ASAP1: variants seen among roughly 807,000 people sequenced by gnomAD.
ASAP1 encodes the protein ArfGAP with SH3 domain, ankyrin repeat and PH domain 1.
Under a neutral mutation model 145.2 loss-of-function variants are expected in ASAP1, and 43 were observed. The observed-to-expected ratio is 0.30, with a 90% CI of 0.23 to 0.38. The LOEUF is 0.38. ASAP1 is among the 10% of genes least tolerant of loss of function. The pLI is 1.00. For synonymous variants in ASAP1, 546 were observed against 515.5 expected (o/e 1.06, Z -0.80); for missense variants, 1,018 against 1,355.3 (o/e 0.75, Z 3.91).
chr8:130,150,391 C>G (rs1385923468), intron 13 of ASAP1, among the ~76,000 whole-genome samples: 1 of 152,236 alleles, frequency 6.6e-6, no homozygotes, highest in African/African-American at 2.4e-5. Flanking sequence ...AGCAGTGCCA[C>G]TGATTCACTT....
At chr8:130,155,192 T>TAC (rs1007537400) in intron 12 of ASAP1, among the ~76,000 whole-genome samples, 30 of 152,248 alleles carry the variant, frequency 2.0e-4, no homozygotes, top group African/African-American at 6.0e-4. Flanking sequence ...ATGGAAACAA[T>TAC]ACACACACAC....
At chr8:130,070,615 T>C (rs113840584) in intron 27 of ASAP1, among the ~76,000 whole-genome samples, 2,742 of 151,928 alleles carry the variant, frequency 0.018, 37 homozygotes, top group Non-Finnish European at 0.026. Context: ...GAATAGAGAA[T>C]TTCCACTTAA....
chr8:130,206,976 CT>C (rs1816265717), intron 5 of ASAP1, among the ~76,000 whole-genome samples: 1 of 152,028 alleles, frequency 6.6e-6, no homozygotes, highest in South Asian at 2.1e-4. Context: ...TATTGGTTTC[CT>C]TTTCATGGTT....
At chr8:130,329,319 C>T (rs1204719778) in intron 3 of ASAP1, among the ~76,000 whole-genome samples, 1 of 152,212 alleles carries the variant, frequency 6.6e-6, no homozygotes, top group East Asian at 1.9e-4. Context: ...GGGAACCTCC[C>T]TTGATGAAGA....
At chr8:130,150,788 G>C (rs2097644428) in intron 13 of ASAP1, among the ~76,000 whole-genome samples, 1 of 152,172 alleles carries the variant, frequency 6.6e-6, no homozygotes. Flanking sequence ...GCTGAGATGG[G>C]AGGATGGCTT....
intron 3 of ASAP1, among the ~76,000 whole-genome samples, chr8:130,297,842 A>G (rs1022857564): frequency 6.6e-6 from 1 of 152,230 alleles, no homozygotes; most frequent in African/African-American, 2.4e-5. Context: ...TTTAACTGCC[A>G]CATTTTAGAC....
At chr8:130,308,829 G>A (rs914748292) in intron 3 of ASAP1, among the ~76,000 whole-genome samples, 4 of 152,098 alleles carry the variant, frequency 2.6e-5, no homozygotes, top group African/African-American at 9.7e-5. Context: ...GTCATTTGAG[G>A]TCATGAGTTC....
At chr8:130,189,110 C>G (rs979523709) in intron 5 of ASAP1, among the ~76,000 whole-genome samples, 1 of 151,960 alleles carries the variant, frequency 6.6e-6, no homozygotes, top group Non-Finnish European at 1.5e-5. Context: ...GTATAATGAT[C>G]GAATCAGGGA....
At chr8:130,297,498 C>T (rs1272067404) in intron 3 of ASAP1, among the ~76,000 whole-genome samples, 1 of 152,220 alleles carries the variant, frequency 6.6e-6, no homozygotes, top group African/African-American at 2.4e-5. Context: ...CTTGCATGCC[C>T]AGTGGCCAAG....
Position 130,379,760 on chromosome 8 carries a change from C to T in ASAP1, c.60-21617G>A, listed in dbSNP as rs970632923. On this transcript the variant is annotated intron_variant, in intron 2 of 29. Coordinates refer to ENST00000518721, the MANE Select transcript of ASAP1 (RefSeq NM_018482.4). ...TGTGCCATTCCTGCTGAGACACTCC[C>T]CGGGCCCTACTGCCACAGTGACACA... is the stretch of plus-strand genomic sequence containing the variant. Among the ~76,000 whole-genome samples, 5 of 152,196 alleles carry T rather than the reference C, an allele frequency of 3.3e-5. No individual in the cohort carries two copies. In the South Asian group the frequency reaches 8.3e-4, roughly 25 times the overall value.
At chr8:130,065,845 T>C (rs2097429588) in intron 27 of ASAP1, among the ~76,000 whole-genome samples, 1 of 152,192 alleles carries the variant, frequency 6.6e-6, no homozygotes, top group South Asian at 2.1e-4. Flanking sequence ...CTAGCCTCAC[T>C]GTTCTTTCCT....
At chr8:130,301,970 T>G (rs1474926815) in intron 3 of ASAP1, among the ~76,000 whole-genome samples, 1 of 152,158 alleles carries the variant, frequency 6.6e-6, no homozygotes, top group Non-Finnish European at 1.5e-5. Context: ...ATGGCAGGGG[T>G]GTCCCCAAAA....
At chr8:130,245,623 C>A (rs928109053) in intron 3 of ASAP1, among the ~76,000 whole-genome samples, 1 of 152,184 alleles carries the variant, frequency 6.6e-6, no homozygotes, top group African/African-American at 2.4e-5. Flanking sequence ...TCGCAAAAGT[C>A]TGCTCTCCTA....
At chr8:130,093,666 C>CAA (rs71572317) in intron 24 of ASAP1, among the ~76,000 whole-genome samples, 5,406 of 51,930 alleles carry the variant, frequency 0.1, 659 homozygotes, top group Non-Finnish European at 0.15. Context: ...GACTCCGTCT[C>CAA]AAAAAAAAAA....
intron 12 of ASAP1, among the ~76,000 whole-genome samples, chr8:130,154,218 GA>G: frequency 6.6e-6 from 1 of 152,102 alleles, no homozygotes; most frequent in South Asian, 2.1e-4. Context: ...AGAGCCCCGA[GA>G]AAAAACTGTT....
At chr8:130,231,341 A>C (rs796982369) in intron 4 of ASAP1, among the ~76,000 whole-genome samples, 5 of 152,316 alleles carry the variant, frequency 3.3e-5, no homozygotes, top group African/African-American at 1.2e-4. Context: ...GTGTTTTGAA[A>C]ATATGACTTC....
In ASAP1 at chr8:130,308,070, TATA is replaced by T. The variant is rs934267904; in HGVS notation, c.186+49944_186+49946del. On this transcript the variant is annotated intron_variant, in intron 3 of 29. Transcript: ENST00000518721. ...GCTTCTAGCAAAACATTCTTGAATT[TATA>T]ATGTTATCACAAGCTCCTTCAATTA... Among the ~76,000 whole-genome samples the T allele has an allele frequency of 1.3e-4, 20 of 152,362 alleles. 1 individual carries two copies. The South Asian group carries it at 3.1e-3, about 24-fold the overall frequency.
intron 27 of ASAP1, among the ~76,000 whole-genome samples, chr8:130,073,161 G>A (rs994880737): frequency 2.0e-5 from 3 of 151,860 alleles, no homozygotes; most frequent in Admixed American, 2.0e-4. Context: ...AGGCTGAGGC[G>A]GGGGGATCAC....
intron 25 of ASAP1, among the ~76,000 whole-genome samples, chr8:130,081,825 G>A (rs1415583279): frequency 2.0e-5 from 3 of 152,214 alleles, no homozygotes; most frequent in Admixed American, 6.5e-5. Context: ...CGCCCTGATA[G>A]TAACATTATT....
Sources: gnomAD v4.1 joint callset for allele counts (sites outside exome capture counted in the v4.1 genomes callset) on GRCh38, gnomAD v4.1.1 for gene constraint, MANE v1.5 for transcripts, NCBI Gene and HGNC (gene_info 2026-07-23, HGNC 2026-07-21) for gene names.